Variants in MYO18A observed in about 807,000 individuals in gnomAD.
The protein encoded by MYO18A is unconventional myosin-XVIIIa.
Under a neutral mutation model 235.8 loss-of-function variants are expected in MYO18A, and 78 were observed. The observed-to-expected ratio is 0.33, with a 90% confidence interval of 0.28 to 0.40. MYO18A has a LOEUF of 0.40. Among genes scored for constraint, MYO18A ranks in the 10% least tolerant of loss-of-function variants. The pLI is 1.00. For synonymous variants in MYO18A, 977 were observed against 1,077.8 expected (o/e 0.91, Z 1.83); for missense variants, 2,215 against 2,699.3 (o/e 0.82, Z 3.98).
intron 1 of MYO18A, among the ~76,000 whole-genome samples, chr17:29,178,974 C>T (rs2068591263): frequency 6.6e-6 from 1 of 152,348 alleles, no homozygotes; most frequent in Non-Finnish European, 1.5e-5. Flanking sequence ...ATGAGGCCTT[C>T]TCGGCCACAG....
intron 25 of MYO18A, 92 bp from the exon 26 acceptor site, chr17:29,097,991 C>A: frequency 6.4e-7 from 1 of 1,571,636 alleles, no homozygotes; most frequent in Non-Finnish European, 8.6e-7. Context: ...TTACCAAGGG[C>A]AGACAGGGAT....
intron 7 of MYO18A, among the ~76,000 whole-genome samples, chr17:29,119,790 C>T (rs1226106283): frequency 1.3e-5 from 2 of 152,126 alleles, no homozygotes; most frequent in East Asian, 3.8e-4. Context: ...TCTTGAGCTC[C>T]TGACCTCAGG....
rs375495926 is a variant in MYO18A at position 29,165,969 on chromosome 17, G to T, written c.972C>A (p.Gly324=). The change falls in exon 2 of 42, where the codon GGC becomes GGA. Residue 324 remains glycine (G), a synonymous_variant. Coordinates refer to ENST00000527372, the MANE Select transcript of MYO18A (RefSeq NM_078471.4). The part of the protein sequence containing the change: ...SELSRSWLRS[G]EGPRREPSDA... ...CGGATGGCTCCCTGCGAGGTCCCTC[G>T]CCGCTCCGCAGCCAGCTCCTGCTGA... The T allele has an allele frequency of 1.2e-6, 2 of 1,613,112 alleles. No homozygotes were observed. The highest frequency in any genetic ancestry group is 1.3e-5 in the African/African-American group (1 of 74,940).
intron 2 of MYO18A, among the ~76,000 whole-genome samples, chr17:29,130,643 C>T (rs533988170): frequency 2.6e-5 from 4 of 152,148 alleles, no homozygotes; most frequent in African/African-American, 7.2e-5. Flanking sequence ...CAGGCACCAT[C>T]TGGGGTAATG....
chr17:29,143,715 C>A (rs2067791543), intron 2 of MYO18A, among the ~76,000 whole-genome samples: 1 of 152,160 alleles, frequency 6.6e-6, no homozygotes. Flanking sequence ...AACATATATA[C>A]CCTGCTTCCT....
Position 29,121,890 on chromosome 17 carries a change from A to T in MYO18A, c.1155T>A (p.Asp385Glu). The change falls in exon 4 of 42, where the codon GAT becomes GAA. Residue 385 changes from aspartate to glutamate, a missense_variant. Coordinates refer to ENST00000527372, the MANE Select transcript of MYO18A (RefSeq NM_078471.4). The surrounding 1 kb of genome is among the most constrained non-coding windows in gnomAD (Gnocchi z 4.2). ...CCTCATCCACATCCAGGATGGCCCCATCGTGGTCCAGCTTCACACGCACCT... is the reference window on the plus strand; with the variant it reads ...CCTCATCCACATCCAGGATGGCCCCTTCGTGGTCCAGCTTCACACGCACCT... ...EGKVRVKLDH[D>E]GAILDVDEDD... 6.2e-7 allele frequency: 1 copy of T among 1,613,472 alleles called. No homozygotes were observed. The highest frequency in any genetic ancestry group is 2.2e-5 in the East Asian group (1 of 44,838).
chr17:29,099,573 C>T (rs1481337024), intron 22 of MYO18A, 61 bp downstream of exon 22: 1 of 1,573,686 alleles, frequency 6.4e-7, no homozygotes, highest in Non-Finnish European at 8.6e-7. Context: ...AGCCCCCACC[C>T]CAGGAACTTG....
In MYO18A at chr17:29,111,077, T is replaced by G. The variant is rs1456841545; in HGVS notation, c.2900+347A>C. 2.0e-5 allele frequency among the ~76,000 whole-genome samples: 3 copies of G among 152,248 alleles called. No individual in the cohort carries two copies. The highest frequency in any genetic ancestry group is 4.4e-5 in the Non-Finnish European group (3 of 68,040). ...TGTTTACTATTATCTGCCAAGCACC[T>G]AGAAGCCCCTGTCGCAGGGTAGGTG... On this transcript the variant is annotated intron_variant, in intron 17 of 41. Coordinates refer to ENST00000527372, the MANE Select transcript of MYO18A (RefSeq NM_078471.4). The surrounding 1 kb of genome is among the most constrained non-coding windows in gnomAD (Gnocchi z 5.1).
chr17:29,107,099 A>G lies in MYO18A; in HGVS notation c.3422T>C (p.Ile1141Thr). 1.2e-6 allele frequency: 2 copies of G among 1,613,952 alleles called. No individual in the cohort carries two copies. The highest frequency in any genetic ancestry group is 1.7e-6 in the Non-Finnish European group (2 of 1,179,858). Residue 1141 changes from isoleucine (I) to threonine (T), a missense_variant, in exon 20 of 42, where the codon ATC becomes ACC. Transcript: ENST00000527372. ...HLTKKHGRNY[I>T]VVDERRAVEE... is the part of the protein sequence containing the mutation. ...ACCTACCCGCCTTTCATCCACCACG[A>G]TGTAGTTACGCCCGTGTTTCTTGGT...
intron 2 of MYO18A, among the ~76,000 whole-genome samples, chr17:29,128,831 T>A (rs1274745357): frequency 6.6e-6 from 1 of 152,204 alleles, no homozygotes; most frequent in East Asian, 1.9e-4. Flanking sequence ...ACCTGTGAGA[T>A]GCCGGCACAG....
chr17:29,090,646 G>T, intron 35 of MYO18A, 31 bp from the exon 36 acceptor site: 1 of 1,587,820 alleles, frequency 6.3e-7, no homozygotes, highest in East Asian at 2.3e-5. Flanking sequence ...TCAGAAGCAG[G>T]ATCCCCCATA....
At chr17:29,085,699 A>T in intron 39 of MYO18A, 51 bp from the exon 40 acceptor site, 1 of 1,597,032 alleles carries the variant, frequency 6.3e-7, no homozygotes, top group Non-Finnish European at 8.6e-7. Context: ...AAACAGATGA[A>T]ATCAATCGGC....
At chr17:29,131,570 C>T (rs1439489062) in intron 2 of MYO18A, 4 of 249,488 alleles carry the variant, frequency 1.6e-5, no homozygotes, top group Admixed American at 6.5e-5. Context: ...TTAGGAATAC[C>T]GGGGCTAGGG....
At chr17:29,086,397 C>T in intron 39 of MYO18A, 41 bp downstream of exon 39, 1 of 1,559,088 alleles carries the variant, frequency 6.4e-7, no homozygotes, top group Non-Finnish European at 8.7e-7. Context: ...GTCAAGAGGG[C>T]CTCCGTGCTA....
chr17:29,076,688 T>C (rs2065987943), intron 41 of MYO18A: 1 of 152,200 alleles, frequency 6.6e-6, no homozygotes, highest in Non-Finnish European at 1.5e-5. Flanking sequence ...CTATGCAATA[T>C]AGAAAAAAAT....
chr17:29,094,024 G>A lies in MYO18A; in HGVS notation c.4777C>T (p.Arg1593Trp), dbSNP rs755920706. 5 of 1,612,160 alleles carry A rather than the reference G, an allele frequency of 3.1e-6. No individual in the cohort carries two copies. Among genetic ancestry groups the A allele is most frequent in the African/African-American group, 2.7e-5 (2 of 74,930 alleles). Residue 1593 changes from arginine to tryptophan, a missense_variant, in exon 31 of 42, where the codon CGG becomes TGG. Physicochemically the swap from Arg to Trp is moderately radical, Grantham distance 101 (BLOSUM62 -3). Coordinates refer to ENST00000527372, the MANE Select transcript of MYO18A (RefSeq NM_078471.4). Reference sequence around the variant, plus strand: ...CGGGCCTCCTCCACCTCCTCATCCCGACTCTCCATCTCCTTAGAATGGGTC... The same window carrying A: ...CGGGCCTCCTCCACCTCCTCATCCCAACTCTCCATCTCCTTAGAATGGGTC... ...RQTHSKEMES[R>W]DEEVEEARQS...
At chr17:29,092,571 C>G (rs752427348) in intron 33 of MYO18A, 115 bp from the exon 34 acceptor site, 5 of 905,626 alleles carry the variant, frequency 5.5e-6, no homozygotes, top group Middle Eastern at 2.2e-4. Context: ...CCATTCACTT[C>G]AGACCCCAGG....
At position 29,140,851 on chromosome 17, in the gene MYO18A, T is replaced by G. The variant is rs2067723851; in HGVS notation, c.1000-18598A>C. Among the ~76,000 whole-genome samples, 1 of 152,144 alleles carries G rather than the reference T, an allele frequency of 6.6e-6. No homozygotes were observed. The highest frequency in any genetic ancestry group is 2.4e-5 in the African/African-American group (1 of 41,430). On this transcript the variant is annotated intron_variant, in intron 2 of 41. Transcript: ENST00000527372. This position sits in a 1 kb window ranked among gnomAD's most constrained non-coding sequence, Gnocchi z 4.2. ...ATGCACGAACATTCAATCAACACAG[T>G]GTTCTTGAGAACACCCAAATCATAG... is the stretch of plus-strand genomic sequence containing the variant.
At chr17:29,168,339 C>T (rs9904947) in intron 1 of MYO18A, among the ~76,000 whole-genome samples, 1 of 152,160 alleles carries the variant, frequency 6.6e-6, no homozygotes, top group Non-Finnish European at 1.5e-5. Context: ...ACCCAACCCC[C>T]TGCACATCTA....
Sources: allele counts gnomAD v4.1 joint callset (sites outside exome capture counted in the v4.1 genomes callset), GRCh38; gene constraint gnomAD v4.1.1; non-coding constraint Gnocchi (gnomAD v3.1); transcripts MANE v1.5; gene names NCBI Gene and HGNC (gene_info 2026-07-23, HGNC 2026-07-21).